Variants in MDGA2 observed in about 807,000 individuals in gnomAD.
The protein encoded by MDGA2 is MAM domain-containing glycosylphosphatidylinositol anchor protein 2.
MDGA2 carries 40 observed loss-of-function variants against 117.8 expected under a neutral mutation model. The ratio of observed to expected loss-of-function variants is 0.34; its 90% CI spans 0.26 to 0.44. The LOEUF (loss-of-function observed/expected upper bound fraction) is 0.44, where lower values mean the gene tolerates loss of function less well. Ranked by LOEUF, MDGA2 falls within the 20% of genes least tolerant of loss-of-function variation. The pLI is 1.00. For missense variants in MDGA2, 1,123 were observed against 1,250.6 expected (o/e 0.90, Z 1.54); for synonymous variants, 452 against 439.0 (o/e 1.03, Z -0.37).
chr14:47,335,751 T>TATATATATATATATATATATATATAC (rs1290712163), intron 1 of MDGA2, among the ~76,000 whole-genome samples: 1 of 143,078 alleles, frequency 7.0e-6, no homozygotes, highest in African/African-American at 2.6e-5. Flanking sequence ...TATATATACA[T>TATATATATATATATATATATATATAC]ACATACATAC....
At chr14:47,274,647 C>A (rs1888254307) in intron 2 of MDGA2, among the ~76,000 whole-genome samples, 1 of 152,082 alleles carries the variant, frequency 6.6e-6, no homozygotes, top group Non-Finnish European at 1.5e-5. Flanking sequence ...TTGAGGAATT[C>A]TCAAATAGTT....
chr14:47,460,565 C>T (rs1170176737), intron 1 of MDGA2, among the ~76,000 whole-genome samples: 5 of 151,550 alleles, frequency 3.3e-5, no homozygotes, highest in South Asian at 2.1e-4. Context: ...AAATTCATAA[C>T]GAAAGATGAA....
intron 1 of MDGA2, among the ~76,000 whole-genome samples, chr14:47,637,624 A>C (rs1342612554): frequency 1.3e-5 from 2 of 152,236 alleles, no homozygotes; most frequent in African/African-American, 4.8e-5. Flanking sequence ...TAAATTCTGC[A>C]TATTGTAAAT....
chr14:47,320,333 G>A (rs932371822), intron 1 of MDGA2, among the ~76,000 whole-genome samples: 4 of 152,122 alleles, frequency 2.6e-5, no homozygotes, highest in African/African-American at 4.8e-5. Context: ...AGTGAGCTAC[G>A]ATCGTGCCAC....
intron 1 of MDGA2, among the ~76,000 whole-genome samples, chr14:47,650,258 C>G (rs1338091328): frequency 6.6e-6 from 1 of 152,214 alleles, no homozygotes; most frequent in East Asian, 1.9e-4. Flanking sequence ...ACGTCCTCAG[C>G]TCTCCTGGGT....
intron 1 of MDGA2, among the ~76,000 whole-genome samples, chr14:47,448,123 C>T (rs1283890453): frequency 6.9e-6 from 1 of 145,344 alleles, no homozygotes; most frequent in Non-Finnish European, 1.5e-5. Flanking sequence ...TTGAGGCCTA[C>T]TTTATTTATT....
At chr14:47,104,497 GAACA>G (rs1566626499) in intron 5 of MDGA2, among the ~76,000 whole-genome samples, 1 of 140,756 alleles carries the variant, frequency 7.1e-6, no homozygotes, top group Non-Finnish European at 1.5e-5. Flanking sequence ...ACCCGCCAGA[GAACA>G]AACCCCCTTT....
intron 1 of MDGA2, among the ~76,000 whole-genome samples, chr14:47,379,813 C>A (rs1004044156): frequency 6.6e-6 from 1 of 152,112 alleles, no homozygotes; most frequent in African/African-American, 2.4e-5. Context: ...GACAGATCAA[C>A]AAGACAGAAA....
rs775247035 is a variant in MDGA2 at position 47,198,313 on chromosome 14, C to T, written c.595+19708G>A. 3.0e-4 allele frequency among the ~76,000 whole-genome samples: 45 copies of T among 152,186 alleles called. 1 individual carries two copies. The highest frequency in any genetic ancestry group is 5.9e-4 in the Non-Finnish European group (40 of 68,026). On this transcript the variant is annotated intron_variant, in intron 3 of 16. Transcript: ENST00000399232. ...GAGGGCTGGACATGGTGGCTCACGCCTGTAATCCCAGCACTTTGGGAGGCT... is the reference window on the plus strand; with the variant it reads ...GAGGGCTGGACATGGTGGCTCACGCTTGTAATCCCAGCACTTTGGGAGGCT...
intron 2 of MDGA2, among the ~76,000 whole-genome samples, chr14:47,262,139 C>A (rs1396752764): frequency 6.6e-6 from 1 of 152,094 alleles, no homozygotes; most frequent in Non-Finnish European, 1.5e-5. Flanking sequence ...CTCAGAAATG[C>A]AAAAGACTTT....
At chr14:47,056,289 C>G (rs1053195710) in intron 7 of MDGA2, among the ~76,000 whole-genome samples, 3 of 152,102 alleles carry the variant, frequency 2.0e-5, no homozygotes, top group Non-Finnish European at 4.4e-5. Flanking sequence ...TTATCAACAA[C>G]TTTCATTTTG....
intron 8 of MDGA2, among the ~76,000 whole-genome samples, chr14:46,998,606 T>G (rs1887388198): frequency 6.6e-6 from 1 of 152,084 alleles, no homozygotes; most frequent in Non-Finnish European, 1.5e-5. Context: ...GTGGAAAGTC[T>G]GATACTCGTA....
At chr14:47,050,083 G>A (rs1329404463) in intron 7 of MDGA2, among the ~76,000 whole-genome samples, 12 of 151,962 alleles carry the variant, frequency 7.9e-5, no homozygotes, top group Admixed American at 2.6e-4. Flanking sequence ...TTCTCAGAGT[G>A]TATCTCTGGA....
chr14:47,520,096 C>T (rs1350438752), intron 1 of MDGA2, among the ~76,000 whole-genome samples: 1 of 152,182 alleles, frequency 6.6e-6, no homozygotes, highest in Non-Finnish European at 1.5e-5. Flanking sequence ...TTCCAGATCT[C>T]AGATATTATG....
intron 7 of MDGA2, among the ~76,000 whole-genome samples, chr14:47,044,737 C>A (rs1044104379): frequency 6.6e-6 from 1 of 152,036 alleles, no homozygotes; most frequent in Non-Finnish European, 1.5e-5. Context: ...AGCAATTGAA[C>A]AGGAAGAAAG....
intron 2 of MDGA2, among the ~76,000 whole-genome samples, chr14:47,264,123 A>G (rs752242937): frequency 6.6e-6 from 1 of 152,182 alleles, no homozygotes; most frequent in East Asian, 1.9e-4. Flanking sequence ...ATTGTTTTCA[A>G]GAAGCAGGGA....
intron 1 of MDGA2, among the ~76,000 whole-genome samples, chr14:47,368,806 T>A (rs1245929975): frequency 1.3e-5 from 2 of 152,140 alleles, no homozygotes; most frequent in Non-Finnish European, 2.9e-5. Flanking sequence ...AATAATAACA[T>A]ATGCTTGGAG....
intron 6 of MDGA2, among the ~76,000 whole-genome samples, chr14:47,076,290 A>C (rs1398719521): frequency 6.6e-6 from 1 of 152,088 alleles, no homozygotes; most frequent in African/African-American, 2.4e-5. Context: ...AACTTTCTAG[A>C]TATTTTGAAA....
intron 8 of MDGA2, among the ~76,000 whole-genome samples, chr14:47,014,926 T>C (rs1888027756): frequency 6.6e-6 from 1 of 152,212 alleles, no homozygotes; most frequent in African/African-American, 2.4e-5. Flanking sequence ...GCTTTTGACA[T>C]GCATTCCACA....
Sources: gnomAD v4.1 joint callset for allele counts (sites outside exome capture counted in the v4.1 genomes callset) on GRCh38, gnomAD v4.1.1 for gene constraint, MANE v1.5 for transcripts, NCBI Gene and HGNC (gene_info 2026-07-23, HGNC 2026-07-21) for gene names.